The following TAF4B variants were observed in gnomAD, a reference collection of about 807,000 sequenced individuals.
TAF4B encodes TATA-box binding protein associated factor 4b.
A neutral mutation model predicts 86.4 loss-of-function variants in TAF4B; 38 were observed. The ratio of observed to expected loss-of-function variants is 0.44; its 90% CI spans 0.34 to 0.58. The LOEUF is 0.58. TAF4B is among the 20% of genes least tolerant of loss of function. The pLI is 0.02. For synonymous variants in TAF4B, 388 were observed against 391.2 expected (o/e 0.99, Z 0.10); for missense variants, 988 against 1,027.6 (o/e 0.96, Z 0.53).
At chr18:26,286,838 C>T (rs2056530371) in intron 7 of TAF4B, among the ~76,000 whole-genome samples, 1 of 152,114 alleles carries the variant, frequency 6.6e-6, no homozygotes, top group Non-Finnish European at 1.5e-5. Flanking sequence ...TGTGCACCAC[C>T]ACGCCTTTCT....
chr18:26,346,010 C>T (rs2144714482), intron 13 of TAF4B, among the ~76,000 whole-genome samples: 1 of 151,952 alleles, frequency 6.6e-6, no homozygotes, highest in South Asian at 2.1e-4. Context: ...ACTCTGTCAC[C>T]CAGGCTGGAG....
At chr18:26,300,207 T>A (rs1447444631) in intron 9 of TAF4B, among the ~76,000 whole-genome samples, 6 of 151,900 alleles carry the variant, frequency 3.9e-5, no homozygotes, top group Non-Finnish European at 7.4e-5. Flanking sequence ...CATGCTGGTC[T>A]TGAACTCCTG....
At chr18:26,243,551 G>A (rs1370718007) in intron 1 of TAF4B, among the ~76,000 whole-genome samples, 2 of 152,176 alleles carry the variant, frequency 1.3e-5, no homozygotes, top group East Asian at 3.8e-4. Flanking sequence ...AGAGAAGTGT[G>A]TTATTACTGG....
At chr18:26,320,073 T>A (rs976622249) in intron 10 of TAF4B, among the ~76,000 whole-genome samples, 3 of 152,212 alleles carry the variant, frequency 2.0e-5, no homozygotes, top group African/African-American at 7.2e-5. Flanking sequence ...ATCAATGTAT[T>A]TGAGTTATTG....
intron 5 of TAF4B, among the ~76,000 whole-genome samples, chr18:26,276,697 C>T (rs190226690): frequency 5.3e-5 from 8 of 152,180 alleles, no homozygotes; most frequent in African/African-American, 9.6e-5. Context: ...ATTCAACTTA[C>T]GGGTGTCTTT....
chr18:26,372,017 G>A (rs11661449), intron 14 of TAF4B, among the ~76,000 whole-genome samples: 4,261 of 152,232 alleles, frequency 0.028, 102 homozygotes, highest in Middle Eastern at 0.078. Context: ...CCAAAACACC[G>A]TTGTTTTCCA....
chr18:26,286,923 A>T (rs1357277101), intron 7 of TAF4B, among the ~76,000 whole-genome samples: 1 of 152,124 alleles, frequency 6.6e-6, no homozygotes, highest in Non-Finnish European at 1.5e-5. Flanking sequence ...GCCTTAAATG[A>T]TCCACCCGCC....
rs1014078329 is a variant in TAF4B at position 26,389,772 on chromosome 18, A to T, written c.2422-73A>T. 4.6e-6 allele frequency: 7 copies of T among 1,511,528 alleles called. No homozygotes were observed. In the African/African-American group the frequency reaches 6.9e-5, roughly 15 times the overall value. The allele number at this position is 1,511,528 out of a possible 1,614,324, so 93.6% of individuals were successfully genotyped here. ...TGACCAGAGGGTAGTGGGCTCTGACATGCTAGAATTGACAGGCTTTCCCTT... is the reference window on the plus strand; with the variant it reads ...TGACCAGAGGGTAGTGGGCTCTGACTTGCTAGAATTGACAGGCTTTCCCTT... On this transcript the variant is annotated intron_variant, in intron 14 of 14. Transcript: ENST00000269142.
At chr18:26,263,406 G>A (rs190507138) in intron 1 of TAF4B, among the ~76,000 whole-genome samples, 3 of 152,014 alleles carry the variant, frequency 2.0e-5, no homozygotes, top group South Asian at 2.1e-4. Flanking sequence ...CTAACCCTTG[G>A]TATTGTCATT....
intron 7 of TAF4B, among the ~76,000 whole-genome samples, chr18:26,289,214 A>AT (rs1483261614): frequency 2.6e-5 from 4 of 152,236 alleles, no homozygotes; most frequent in Non-Finnish European, 4.4e-5. Flanking sequence ...CAGTGAATCT[A>AT]TTATAAACCA....
Position 26,282,018 on chromosome 18 carries a change from A to T in TAF4B, c.930A>T (p.Glu310Asp), listed in dbSNP as rs375815276. The T allele has an allele frequency of 1.9e-6, 3 of 1,613,404 alleles. No individual in the cohort carries two copies. In the African/African-American group the frequency reaches 4.0e-5, roughly 22 times the overall value. The change falls in exon 6 of 15, where the codon GAA becomes GAT. Residue 310 changes from glutamate to aspartate, a missense_variant. Physicochemically the swap from Glu to Asp is conservative, Grantham distance 45. Around this residue, in one of 3 missense-constraint regions of TAF4B, gnomAD observed 747 missense variants for 737.9 expected, o/e 1.01. Coordinates refer to ENST00000269142, the MANE Select transcript of TAF4B (RefSeq NM_005640.3). ...AATTTACTAGGAAACTGTATGTTGA[A>T]CTCAAGTCTTCACCTCAGCCTCACC... is the stretch of plus-strand genomic sequence containing the variant. Reference protein sequence around the residue: ...AEEFTRKLYVELKSSPQPHLV... With the variant: ...AEEFTRKLYVDLKSSPQPHLV...
rs552518710 is a variant in TAF4B, at chr18:26,269,600, G to A, written c.597+1977G>A. Among the ~76,000 whole-genome samples, 6 of 152,162 alleles carry A rather than the reference G, an allele frequency of 3.9e-5. No homozygotes were observed. The South Asian group carries it at 6.2e-4, about 16-fold the overall frequency. On this transcript the variant is annotated intron_variant, in intron 3 of 14. Coordinates refer to ENST00000269142, the MANE Select transcript of TAF4B (RefSeq NM_005640.3). ...TCCAAACTTGAACCATACTGCTCAC[G>A]TTCTTTTCATCTAACAGAAATGATG...
At chr18:26,277,729 G>C (rs1300752765) in intron 5 of TAF4B, among the ~76,000 whole-genome samples, 2 of 152,232 alleles carry the variant, frequency 1.3e-5, no homozygotes, top group African/African-American at 2.4e-5. Context: ...ATGCTGAATG[G>C]ATCTTTTACC....
intron 5 of TAF4B, among the ~76,000 whole-genome samples, chr18:26,276,917 T>C (rs1186739732): frequency 1.3e-5 from 2 of 152,158 alleles, no homozygotes; most frequent in African/African-American, 2.4e-5. Flanking sequence ...AGGAATTAAA[T>C]ATTACCTCTA....
chr18:26,297,426 T>A (rs1036427355), intron 9 of TAF4B, among the ~76,000 whole-genome samples: 3 of 152,186 alleles, frequency 2.0e-5, no homozygotes, highest in African/African-American at 7.2e-5. Context: ...ATTAAACTGG[T>A]CTCAGGTTAC....
At chr18:26,364,999 ATTC>A (rs1425892820) in intron 14 of TAF4B, among the ~76,000 whole-genome samples, 2 of 125,760 alleles carry the variant, frequency 1.6e-5, no homozygotes, top group Non-Finnish European at 3.4e-5. Flanking sequence ...CTATAATTCT[ATTC>A]TTTTTTTTTT....
chr18:26,289,304 A>G (rs563027493), intron 7 of TAF4B, among the ~76,000 whole-genome samples: 1 of 152,366 alleles, frequency 6.6e-6, no homozygotes, highest in Admixed American at 6.5e-5. Flanking sequence ...TGCAGCTTAT[A>G]AGAAATATGG....
At chr18:26,308,556 A>G (rs188918505) in intron 9 of TAF4B, among the ~76,000 whole-genome samples, 1 of 152,196 alleles carries the variant, frequency 6.6e-6, no homozygotes, top group Admixed American at 6.5e-5. Context: ...TGTGGTGTGA[A>G]AAATCTAAAA....
At chr18:26,368,147 A>G (rs1437513308) in intron 14 of TAF4B, among the ~76,000 whole-genome samples, 1 of 152,194 alleles carries the variant, frequency 6.6e-6, no homozygotes, top group Non-Finnish European at 1.5e-5. Context: ...AAAATCATTT[A>G]GGGATAGTTT....
Sources: allele counts gnomAD v4.1 joint callset (sites outside exome capture counted in the v4.1 genomes callset), GRCh38; gene constraint gnomAD v4.1.1; regional missense constraint gnomAD v4.1.1; transcripts MANE v1.5; gene names NCBI Gene and HGNC (gene_info 2026-07-23, HGNC 2026-07-21).